The following ACSM1 variants were observed in gnomAD, a reference collection of about 807,000 sequenced individuals.
The protein encoded by ACSM1 is acyl-CoA synthetase medium chain family member 1.
Under a neutral mutation model 75.8 loss-of-function variants are expected in ACSM1, and 79 were observed. That is an observed-to-expected ratio of 1.04 (90% confidence interval 0.87 to 1.26). ACSM1 has a LOEUF of 1.26. ACSM1 is among the 50% of genes most tolerant of loss of function. ACSM1 has a pLI of 0.00. For missense variants in ACSM1, 676 were observed against 720.1 expected, an observed-to-expected ratio of 0.94 and a Z score of 0.70; for synonymous variants, 279 against 265.8, an observed-to-expected ratio of 1.05 and a Z score of -0.48.
intron 10 of ACSM1, among the ~76,000 whole-genome samples, chr16:20,631,160 G>T (rs1048413160): frequency 2.6e-5 from 4 of 152,168 alleles, no homozygotes; most frequent in Admixed American, 2.0e-4. Flanking sequence ...GCAAGATCAA[G>T]TCACCAACAA....
chr16:20,657,200 T>C (rs951505119), intron 7 of ACSM1, among the ~76,000 whole-genome samples: 1 of 152,230 alleles, frequency 6.6e-6, no homozygotes, highest in Non-Finnish European at 1.5e-5. Context: ...GAAACTAAGC[T>C]TACAGTAACT....
At position 20,685,225 on chromosome 16, in the gene ACSM1, C is replaced by G. The variant is rs2079525645; in HGVS notation, c.371G>C (p.Trp124Ser). ...LALMLPRVPE[W>S]WLVAVGCMRT... ...CATGCAGCCCACAGCCACCAGCCAC[C>G]ACTCAGGAACTCGAGGCAGCATCAA... The change falls in exon 3 of 14, where the codon TGG becomes TCG. Residue 124 changes from tryptophan (W) to serine (S), a missense_variant. Trp to Ser is a radical substitution (Grantham distance 177, BLOSUM62 -3). Transcript: ENST00000520010. 2 of 1,614,192 alleles carry G rather than the reference C, an allele frequency of 1.2e-6. No homozygotes were observed. Among genetic ancestry groups the G allele is most frequent in the Non-Finnish European group, 1.7e-6 (2 of 1,180,038 alleles).
At position 20,669,999 on chromosome 16, in the gene ACSM1, T is replaced by G; in HGVS notation, c.753-13A>C. On this transcript the variant is annotated splice_polypyrimidine_tract_variant and intron_variant, in intron 5 of 13. Transcript: ENST00000520010. Reference sequence around the variant, plus strand: ...CCGTAATTTCCTACTAACTCCAAAATGCAGTGGCCTCAGCTGTGTGATCAT... The same window carrying G: ...CCGTAATTTCCTACTAACTCCAAAAGGCAGTGGCCTCAGCTGTGTGATCAT... The G allele has an allele frequency of 6.2e-7, 1 of 1,613,272 alleles. No homozygotes were observed. The highest frequency in any genetic ancestry group is 1.1e-5 in the South Asian group (1 of 90,992).
At chr16:20,690,567 G>A (rs1021576635) in intron 2 of ACSM1, among the ~76,000 whole-genome samples, 2 of 152,158 alleles carry the variant, frequency 1.3e-5, no homozygotes, top group Non-Finnish European at 2.9e-5. Flanking sequence ...TGCACATTCA[G>A]GTGGTCTATC....
At chr16:20,670,905 TA>T (rs1653196633) in intron 5 of ACSM1, among the ~76,000 whole-genome samples, 1 of 152,170 alleles carries the variant, frequency 6.6e-6, no homozygotes. Context: ...GTTAATACAT[TA>T]AAAAATATAA....
chr16:20,647,625 G>C (rs978592795), intron 7 of ACSM1, among the ~76,000 whole-genome samples: 1 of 152,064 alleles, frequency 6.6e-6, no homozygotes, highest in African/African-American at 2.4e-5. Flanking sequence ...TTCACAGCCT[G>C]CAATTGCCTT....
chr16:20,681,308 AAATTT>A (rs2079441662), intron 4 of ACSM1: 1 of 152,242 alleles, frequency 6.6e-6, no homozygotes, highest in Non-Finnish European at 1.5e-5. Flanking sequence ...AGTATGTGGA[AAATTT>A]AATTTAACCA....
At chr16:20,643,898 G>T (rs1035656640) in intron 7 of ACSM1, among the ~76,000 whole-genome samples, 1 of 151,870 alleles carries the variant, frequency 6.6e-6, no homozygotes, top group South Asian at 2.1e-4. Context: ...TGAATTTACA[G>T]TCCTTTATCT....
intron 2 of ACSM1, among the ~76,000 whole-genome samples, chr16:20,686,178 A>C (rs1287295927): frequency 6.6e-6 from 1 of 152,168 alleles, no homozygotes; most frequent in Non-Finnish European, 1.5e-5. Context: ...AAACAAAACA[A>C]AAGAGGCTTA....
chr16:20,652,781 G>T (rs1453304818), intron 7 of ACSM1, among the ~76,000 whole-genome samples: 1 of 152,042 alleles, frequency 6.6e-6, no homozygotes, highest in African/African-American at 2.4e-5. Flanking sequence ...AACCAAAAAA[G>T]GCCCAGGACC....
intron 7 of ACSM1, among the ~76,000 whole-genome samples, chr16:20,641,704 T>G (rs543286400): frequency 1.4e-4 from 21 of 152,344 alleles, no homozygotes; most frequent in African/African-American, 4.8e-4. Flanking sequence ...TGTCTTTTTC[T>G]CAATCCTTTG....
chr16:20,665,348 C>A (rs935660530), intron 6 of ACSM1, among the ~76,000 whole-genome samples: 1 of 152,016 alleles, frequency 6.6e-6, no homozygotes, highest in Admixed American at 6.6e-5. Flanking sequence ...ATAAAAGATT[C>A]TCAGAGACTA....
intron 7 of ACSM1, among the ~76,000 whole-genome samples, chr16:20,654,665 GGC>G (rs1355133118): frequency 2.0e-5 from 3 of 152,132 alleles, no homozygotes; most frequent in African/African-American, 7.2e-5. Flanking sequence ...CATCATCACT[GGC>G]CATCAGAGAA....
chr16:20,673,230 C>A (rs1175529095), intron 4 of ACSM1, among the ~76,000 whole-genome samples: 1 of 151,702 alleles, frequency 6.6e-6, no homozygotes, highest in Non-Finnish European at 1.5e-5. Context: ...GGAGCTTCCC[C>A]TGGACTGAGA....
Position 20,623,302 on chromosome 16 carries a change from G to T in ACSM1, c.*184C>A. On this transcript the variant is annotated 3_prime_UTR_variant, in exon 14 of 14. Transcript: ENST00000520010. ...CCTGGGAAATTCTAAAGATACAGAG[G>T]ACTTGGAGGAAGCAGAGCAACTGAA... 3.5e-6 allele frequency: 2 copies of T among 578,618 alleles called. No homozygotes were observed. The highest frequency in any genetic ancestry group is 6.2e-6 in the Non-Finnish European group (2 of 323,916). The allele number at this position is 578,618 out of a possible 1,614,324, so 35.8% of individuals were successfully genotyped here. A position where few individuals can be genotyped will look rare whatever the true frequency, so the allele number is the denominator to read the frequency against.
rs548288104 is a variant in ACSM1 at position 20,654,948 on chromosome 16, C to T, written c.992+6846G>A. 6.4e-3 allele frequency among the ~76,000 whole-genome samples: 974 copies of T among 151,990 alleles called. 8 individuals carry two copies. The highest frequency in any genetic ancestry group is 0.016 in the Admixed American group (245 of 15,268). On this transcript the variant is annotated intron_variant, in intron 7 of 13. Transcript: ENST00000520010. ...ATGCTGCTATAAAGACACATGCACA[C>T]GTATGTTTATTGTGGCACTATTCAC...
In ACSM1 at chr16:20,676,823, A is replaced by C. The variant is rs577604024; in HGVS notation, c.612-5152T>G. ...ATGACACTAGAAGAATAAATGCCCC[A>C]AAAAATAAATAAATAAAATAAGGAG... is the stretch of plus-strand genomic sequence containing the variant. On this transcript the variant is annotated intron_variant, in intron 4 of 13. Transcript: ENST00000520010. 4.8e-3 allele frequency among the ~76,000 whole-genome samples: 733 copies of C among 152,252 alleles called. 11 individuals carry two copies. Among genetic ancestry groups the C allele is most frequent in the African/African-American group, 0.017 (697 of 41,520 alleles).
At position 20,657,598 on chromosome 16, in the gene ACSM1, T is replaced by G. The variant is rs2152249752; in HGVS notation, c.992+4196A>C. Among the ~76,000 whole-genome samples the G allele has an allele frequency of 1.4e-5, 2 of 147,882 alleles. 1 individual carries two copies. The highest frequency in any genetic ancestry group is 4.3e-4 in the South Asian group (2 of 4,652). On this transcript the variant is annotated intron_variant, in intron 7 of 13. Transcript: ENST00000520010. Reference sequence around the variant, plus strand: ...TGCTGGGATTACAGGCATAAGCCACTGTGCCCAATGTTTTTTTTTTTATTA... The same window carrying G: ...TGCTGGGATTACAGGCATAAGCCACGGTGCCCAATGTTTTTTTTTTTATTA...
chr16:20,686,814 A>G lies in ACSM1; in HGVS notation c.193-1411T>C, dbSNP rs1014292991. ...ATGAGACCCTGTCTCAAAAAAGAAA[A>G]AAAAAAAGTTTAACTATGGAAAGTG... On this transcript the variant is annotated intron_variant, in intron 2 of 13. Coordinates refer to ENST00000520010, the MANE Select transcript of ACSM1 (RefSeq NM_001318890.3). 2.0e-5 allele frequency among the ~76,000 whole-genome samples: 3 copies of G among 152,058 alleles called. No individual in the cohort carries two copies. The South Asian group carries it at 6.2e-4, about 32-fold the overall frequency.
Sources: gnomAD v4.1 joint callset for allele counts (sites outside exome capture counted in the v4.1 genomes callset) on GRCh38, gnomAD v4.1.1 for gene constraint, MANE v1.5 for transcripts, NCBI Gene and HGNC (gene_info 2026-07-23, HGNC 2026-07-21) for gene names.